Variants in NRG4 observed in about 807,000 individuals in gnomAD.
The protein encoded by NRG4 is pro-neuregulin-4, membrane-bound isoform.
A neutral mutation model predicts 15.0 loss-of-function variants in NRG4; 10 were observed. The observed-to-expected ratio is 0.67, with a 90% confidence interval of 0.41 to 1.13. The LOEUF (loss-of-function observed/expected upper bound fraction) is 1.13, where lower values mean the gene tolerates loss of function less well. NRG4 is among the 50% of genes most tolerant of loss of function. NRG4 has a pLI of 0.00. For synonymous variants in NRG4, 41 were observed against 50.1 expected, an observed-to-expected ratio of 0.82 and a Z score of 0.77; for missense variants, 139 against 140.2, an observed-to-expected ratio of 0.99 and a Z score of 0.04.
At chr15:75,962,060 GA>G in intron 3 of NRG4, 86 bp from the exon 4 acceptor site, 1 of 925,018 alleles carries the variant, frequency 1.1e-6, no homozygotes, top group South Asian at 1.9e-5. Flanking sequence ...ATGACGTGAA[GA>G]AAAAAGGAGA....
chr15:75,936,600 GTT>G (rs978914234), downstream of NRG4: 9 of 151,576 alleles, frequency 5.9e-5, no homozygotes, highest in African/African-American at 1.9e-4. Context: ...TTTTGAGAGA[GTT>G]TTGCTCTTGT....
At chr15:76,052,099 A>G (rs1375901098) in exon 4 of NRG4, 1 of 151,070 alleles carries the variant, frequency 6.6e-6, no homozygotes, top group African/African-American at 2.5e-5. Context: ...TTTTTCCTCT[A>G]AATTGCAGAA....
chr15:75,990,194 C>G (rs938975768), intron 3 of NRG4, among the ~76,000 whole-genome samples: 1 of 152,150 alleles, frequency 6.6e-6, no homozygotes, highest in African/African-American at 2.4e-5. Flanking sequence ...TAGCATCTGA[C>G]AAGATAATCA....
At chr15:76,011,921 T>A (rs1421783625) in intron 1 of NRG4, 1 of 152,118 alleles carries the variant, frequency 6.6e-6, no homozygotes, top group African/African-American at 2.4e-5. Flanking sequence ...GGCAAAGCAA[T>A]GTAGCTAATA....
At chr15:76,040,603 T>G (rs1291489658) in intron 4 of NRG4, among the ~76,000 whole-genome samples, 1 of 152,176 alleles carries the variant, frequency 6.6e-6, no homozygotes, top group Non-Finnish European at 1.5e-5. Context: ...ATAGAAAGAT[T>G]AAATGATGAA....
At chr15:76,019,083 C>T (rs926497033) in intron 5 of NRG4, among the ~76,000 whole-genome samples, 3 of 151,998 alleles carry the variant, frequency 2.0e-5, no homozygotes, top group African/African-American at 4.8e-5. Context: ...TGCTGAGCTG[C>T]GGTGGGCTCC....
intron 5 of NRG4, among the ~76,000 whole-genome samples, chr15:76,021,674 C>T (rs1219077380): frequency 2.0e-5 from 3 of 152,170 alleles, no homozygotes; most frequent in African/African-American, 7.2e-5. Flanking sequence ...GACTACTAAA[C>T]TGTATATGGG....
chr15:76,020,927 AATCT>A (rs2035131019), intron 5 of NRG4, among the ~76,000 whole-genome samples: 1 of 152,236 alleles, frequency 6.6e-6, no homozygotes, highest in Admixed American at 6.5e-5. Context: ...TTATCCAGAA[AATCT>A]ATCTAAGATC....
intron 3 of NRG4, among the ~76,000 whole-genome samples, chr15:75,997,110 A>AG (rs2034244244): frequency 6.6e-6 from 1 of 152,110 alleles, no homozygotes; most frequent in Non-Finnish European, 1.5e-5. Flanking sequence ...ATTTAATGAG[A>AG]GAAAAAAATA....
Position 76,011,259 on chromosome 15 carries a change from T to C in NRG4, c.-29A>G, listed in dbSNP as rs201123292. The stretch of plus-strand genomic sequence containing the variant: ...AATTTGTAAATAGTTTCATTCTTGG[T>C]CAAGAGAGTAGGGTTGAAAAACAGT... On this transcript the variant is annotated 5_prime_UTR_variant, in exon 2 of 6. An upstream open reading frame in the 5' UTR loses its in-frame stop. Coordinates refer to ENST00000394907, the MANE Select transcript of NRG4 (RefSeq NM_138573.4). The C allele has an allele frequency of 2.6e-4, 376 of 1,441,358 alleles. 2 individuals are homozygous for C. In the African/African-American group the frequency reaches 5.0e-3, roughly 19 times the overall value. 89.3% of individuals were successfully genotyped at this position (1,441,358 alleles called of 1,614,324 possible).
chr15:76,017,024 A>G (rs941380587), upstream of NRG4, among the ~76,000 whole-genome samples: 2 of 152,016 alleles, frequency 1.3e-5, no homozygotes, highest in African/African-American at 2.4e-5. Flanking sequence ...TTGGGTGCAT[A>G]TATATTTAGG....
At chr15:76,008,192 G>A (rs2034678386) in intron 3 of NRG4, among the ~76,000 whole-genome samples, 1 of 152,160 alleles carries the variant, frequency 6.6e-6, no homozygotes, top group Non-Finnish European at 1.5e-5. Context: ...GGCACATCAT[G>A]AGTGTTAAGT....
upstream of NRG4, among the ~76,000 whole-genome samples, chr15:76,014,294 G>T (rs186669021): frequency 1.4e-3 from 216 of 152,226 alleles, 1 homozygote; most frequent in African/African-American, 4.7e-3. Context: ...TCTGTAGGTT[G>T]CCTGTTTACT....
intron 5 of NRG4, among the ~76,000 whole-genome samples, chr15:75,951,708 A>G (rs1205583014): frequency 4.6e-5 from 7 of 152,130 alleles, no homozygotes; most frequent in Non-Finnish European, 8.8e-5. Flanking sequence ...AGAACCTTAC[A>G]GTGGGGTATT....
chr15:75,994,087 GTGACA>G (rs2034124829), intron 3 of NRG4, among the ~76,000 whole-genome samples: 1 of 152,168 alleles, frequency 6.6e-6, no homozygotes, highest in African/African-American at 2.4e-5. Context: ...GACCTTACGA[GTGACA>G]TGTTGTAGAT....
At chr15:76,026,483 C>A (rs940916254) in intron 5 of NRG4, among the ~76,000 whole-genome samples, 4 of 152,084 alleles carry the variant, frequency 2.6e-5, no homozygotes, top group African/African-American at 9.7e-5. Context: ...TGCTTTCAGC[C>A]AAGCAAGAAC....
At chr15:75,984,480 C>T (rs1222139430) in intron 3 of NRG4, among the ~76,000 whole-genome samples, 1 of 152,132 alleles carries the variant, frequency 6.6e-6, no homozygotes, top group Admixed American at 6.5e-5. Flanking sequence ...AGTTCATGTC[C>T]TTTGCAGGGA....
At chr15:75,961,157 G>C (rs10152476) in intron 4 of NRG4, among the ~76,000 whole-genome samples, 2,859 of 152,172 alleles carry the variant, frequency 0.019, 103 homozygotes, top group African/African-American at 0.066. Context: ...AATGATGAGA[G>C]TTATGCCAAA....
intron 5 of NRG4, among the ~76,000 whole-genome samples, chr15:76,019,948 T>C (rs1567114576): frequency 6.6e-6 from 1 of 152,232 alleles, no homozygotes; most frequent in African/African-American, 2.4e-5. Context: ...CCTGTGTCTG[T>C]TGGTGCCATT....
Sources: allele counts gnomAD v4.1 joint callset (sites outside exome capture counted in the v4.1 genomes callset), GRCh38; gene constraint gnomAD v4.1.1; transcripts MANE v1.5; gene names NCBI Gene and HGNC (gene_info 2026-07-23, HGNC 2026-07-21).